Variants in ZNF420 observed in about 807,000 individuals in gnomAD.
ZNF420 encodes the protein zinc finger protein 420, also known as ATM and p53-associated KZNF protein.
A neutral mutation model predicts 44.7 loss-of-function variants in ZNF420; 31 were observed. That is an observed-to-expected ratio of 0.69 (90% confidence interval 0.52 to 0.94). The LOEUF (loss-of-function observed/expected upper bound fraction) is 0.94. ZNF420 is among the 40% of genes least tolerant of loss of function. ZNF420 has a pLI of 0.00. For synonymous variants in ZNF420, 245 were observed against 267.4 expected (o/e 0.92, Z 0.82); for missense variants, 681 against 827.9 (o/e 0.82, Z 2.18).
chr19:37,106,202 T>C (rs575121520), intron 4 of ZNF420, among the ~76,000 whole-genome samples: 1 of 152,336 alleles, frequency 6.6e-6, no homozygotes, highest in South Asian at 2.1e-4. Context: ...CAATACCTAA[T>C]TTATTGGGAG....
intron 1 of ZNF420, among the ~76,000 whole-genome samples, chr19:37,055,485 C>T (rs548779012): frequency 2.6e-5 from 4 of 152,318 alleles, no homozygotes; most frequent in South Asian, 2.1e-4. Flanking sequence ...CAACAACGCC[C>T]GCTACTCCAT....
intron 1 of ZNF420, among the ~76,000 whole-genome samples, chr19:37,072,135 C>T (rs1568437151): frequency 1.3e-5 from 2 of 152,274 alleles, no homozygotes; most frequent in African/African-American, 4.8e-5. Context: ...TCCTCCCTCA[C>T]CAAGACTCTT....
chr19:37,105,431 A>G (rs4414605), intron 4 of ZNF420, among the ~76,000 whole-genome samples: 79,398 of 151,928 alleles, frequency 0.52, 21,478 homozygotes, highest in African/African-American at 0.63. Flanking sequence ...GTCAGGTAGC[A>G]TGATGCCTCC....
At chr19:37,035,055 G>A (rs1255191928) in intron 1 of ZNF420, among the ~76,000 whole-genome samples, 1 of 152,184 alleles carries the variant, frequency 6.6e-6, no homozygotes, top group Non-Finnish European at 1.5e-5. Flanking sequence ...ATTAGGCTGC[G>A]ATAGTTCCCA....
At chr19:37,115,854 G>C (rs182415753) in intron 4 of ZNF420, among the ~76,000 whole-genome samples, 1 of 152,224 alleles carries the variant, frequency 6.6e-6, no homozygotes, top group East Asian at 1.9e-4. Context: ...CTAGGCAGAG[G>C]TTCCTGTGGC....
chr19:37,065,518 C>G (rs948315589), intron 1 of ZNF420, among the ~76,000 whole-genome samples: 2 of 152,228 alleles, frequency 1.3e-5, no homozygotes, highest in Non-Finnish European at 2.9e-5. Flanking sequence ...AATGTGGCAG[C>G]CTCTTGAAGC....
chr19:37,074,962 T>C (rs545640399), upstream of ZNF420, among the ~76,000 whole-genome samples: 1 of 152,356 alleles, frequency 6.6e-6, no homozygotes, highest in African/African-American at 2.4e-5. Context: ...GTGCCTCAGA[T>C]ACTTTTTTGG....
chr19:37,070,421 A>C (rs1968039448), intron 1 of ZNF420, among the ~76,000 whole-genome samples: 1 of 152,228 alleles, frequency 6.6e-6, no homozygotes, highest in Non-Finnish European at 1.5e-5. Flanking sequence ...AAAAATTCAT[A>C]AATCTGACAT....
intron 1 of ZNF420, among the ~76,000 whole-genome samples, chr19:37,024,324 T>C (rs555573669): frequency 6.6e-6 from 1 of 152,270 alleles, no homozygotes; most frequent in Non-Finnish European, 1.5e-5. Flanking sequence ...CGAGCCACTT[T>C]GGTTGGGCAC....
intron 4 of ZNF420, among the ~76,000 whole-genome samples, chr19:37,117,097 A>C (rs1413238834): frequency 6.6e-6 from 1 of 152,226 alleles, no homozygotes; most frequent in East Asian, 1.9e-4. Flanking sequence ...GACAGCTTTG[A>C]AGAGAGTAGT....
chr19:37,060,023 C>T (rs1304613880), intron 1 of ZNF420, among the ~76,000 whole-genome samples: 1 of 152,146 alleles, frequency 6.6e-6, no homozygotes, highest in Non-Finnish European at 1.5e-5. Flanking sequence ...TTTTCTGCGT[C>T]TGCCTGGGTC....
chr19:37,105,535 A>T (rs1402034964), intron 4 of ZNF420, among the ~76,000 whole-genome samples: 3 of 152,152 alleles, frequency 2.0e-5, no homozygotes, highest in Non-Finnish European at 2.9e-5. Flanking sequence ...CTGTGAAGAA[A>T]GTCATTGGTA....
intron 4 of ZNF420, among the ~76,000 whole-genome samples, chr19:37,125,235 G>C (rs758114806): frequency 6.6e-6 from 1 of 152,124 alleles, no homozygotes; most frequent in Non-Finnish European, 1.5e-5. Context: ...TCTAGGATGT[G>C]TTCTTCCCAG....
chr19:37,109,972 T>C (rs1232373104), intron 4 of ZNF420: 1 of 152,214 alleles, frequency 6.6e-6, no homozygotes, highest in Non-Finnish European at 1.5e-5. Flanking sequence ...TTTTGTGTGT[T>C]CTATTAGTTC....
chr19:37,041,145 G>A (rs975256158), intron 1 of ZNF420, among the ~76,000 whole-genome samples: 1 of 151,832 alleles, frequency 6.6e-6, no homozygotes, highest in Admixed American at 6.6e-5. Context: ...CCAACATGGC[G>A]AAACCCCATC....
At chr19:37,078,250 C>G (rs1420655280), upstream of ZNF420, 1 of 152,318 alleles carries the variant, frequency 6.6e-6, no homozygotes, top group Admixed American at 6.5e-5. Context: ...GCAGGCGGGA[C>G]AAGCAGGTTC....
intron 1 of ZNF420, among the ~76,000 whole-genome samples, chr19:37,047,246 G>T (rs1219968140): frequency 2.0e-5 from 3 of 152,198 alleles, no homozygotes; most frequent in African/African-American, 7.2e-5. Context: ...ATAGTATTAG[G>T]AAGTAGGGCC....
intron 4 of ZNF420, among the ~76,000 whole-genome samples, chr19:37,110,608 T>G (rs145558809): frequency 0.011 from 1,677 of 152,324 alleles, 33 homozygotes; most frequent in African/African-American, 0.039. Context: ...CTATATTTGA[T>G]TAGAGCTGTC....
intron 1 of ZNF420, among the ~76,000 whole-genome samples, chr19:37,027,055 A>G (rs112403900): frequency 0.013 from 2,003 of 152,356 alleles, 46 homozygotes; most frequent in African/African-American, 0.045. Context: ...TTGGAATTTA[A>G]AATTAATCCA....
Sources: allele counts gnomAD v4.1 joint callset (sites outside exome capture counted in the v4.1 genomes callset), GRCh38; gene constraint gnomAD v4.1.1; transcripts MANE v1.5; gene names NCBI Gene and HGNC (gene_info 2026-07-23, HGNC 2026-07-21).